MICU1: variants seen among roughly 807,000 people sequenced by gnomAD.
MICU1 encodes mitochondrial calcium uptake 1, also known as calcium uptake protein 1, mitochondrial.
In MICU1, 45 loss-of-function variants were observed where a neutral mutation model predicts 56.8. The ratio of observed to expected loss-of-function variants is 0.79; its 90% CI spans 0.62 to 1.02. The LOEUF is 1.02. Among genes scored for constraint, MICU1 ranks in the 50% least tolerant of loss-of-function variants. The probability of loss-of-function intolerance (pLI) is 0.00; values close to 1 mark genes in which losing one functional copy is unlikely to be tolerated. For missense variants in MICU1, 504 were observed against 587.1 expected (o/e 0.86, Z 1.46); for synonymous variants, 186 against 195.1 (o/e 0.95, Z 0.39).
intron 9 of MICU1, among the ~76,000 whole-genome samples, chr10:72,411,326 C>CT (rs1863804085): frequency 6.7e-6 from 1 of 150,064 alleles, no homozygotes. Context: ...AGCTCTTTTA[C>CT]TTTTCTTTTT....
intron 8 of MICU1, among the ~76,000 whole-genome samples, chr10:72,453,823 G>A (rs889681974): frequency 9.3e-5 from 14 of 150,890 alleles, no homozygotes; most frequent in African/African-American, 2.7e-4. Context: ...GAGCCACCGC[G>A]CCTGGCCTAC....
At chr10:72,388,068 C>G (rs1346816756) in intron 10 of MICU1, among the ~76,000 whole-genome samples, 1 of 152,144 alleles carries the variant, frequency 6.6e-6, no homozygotes, top group African/African-American at 2.4e-5. Flanking sequence ...GGTCACAAAA[C>G]TAGTGAATAG....
chr10:72,549,177 G>A (rs1839968617), intron 4 of MICU1, among the ~76,000 whole-genome samples: 1 of 148,558 alleles, frequency 6.7e-6, no homozygotes, highest in South Asian at 2.1e-4. Context: ...TGTTTCATGT[G>A]TCTGTTTTTT....
At chr10:72,460,839 G>A (rs1865618184) in intron 8 of MICU1, among the ~76,000 whole-genome samples, 1 of 151,646 alleles carries the variant, frequency 6.6e-6, no homozygotes, top group African/African-American at 2.4e-5. Context: ...TTAGTTAAAA[G>A]AAGAAAAAAA....
At chr10:72,432,361 C>T (rs1864568109) in intron 8 of MICU1, among the ~76,000 whole-genome samples, 1 of 152,080 alleles carries the variant, frequency 6.6e-6, no homozygotes, top group African/African-American at 2.4e-5. Context: ...AACTCCTGGC[C>T]TCAAGTGATC....
chr10:72,549,713 C>G lies in MICU1; in HGVS notation c.493+1466G>C, dbSNP rs190541646. Among the ~76,000 whole-genome samples the G allele has an allele frequency of 7.4e-3, 1,131 of 152,078 alleles. 13 individuals are homozygous for G. The highest frequency in any genetic ancestry group is 0.026 in the African/African-American group (1,065 of 41,492). ...TGGGAGGCTGAGGCAGGTGGATCAC[C>G]TGAGGTCAGGGGTGTGAGATCAGCC... On this transcript the variant is annotated intron_variant, in intron 4 of 11. Transcript: ENST00000361114.
At chr10:72,603,259 C>T (rs1033885612) in intron 1 of MICU1, among the ~76,000 whole-genome samples, 1 of 150,684 alleles carries the variant, frequency 6.6e-6, no homozygotes, top group Non-Finnish European at 1.5e-5. Flanking sequence ...TGGTGTTGCA[C>T]ACCTGTAATC....
At chr10:72,575,820 G>C (rs1218692790) in intron 1 of MICU1, among the ~76,000 whole-genome samples, 1 of 152,088 alleles carries the variant, frequency 6.6e-6, no homozygotes, top group Non-Finnish European at 1.5e-5. Flanking sequence ...CTGAGACACA[G>C]TAATATTAAA....
rs368734771 is a variant in MICU1, at chr10:72,372,370, G to A, written c.1270+3413C>T. 6.6e-5 allele frequency among the ~76,000 whole-genome samples: 10 copies of A among 152,228 alleles called. 1 individual carries two copies. The highest frequency in any genetic ancestry group is 2.2e-4 in the African/African-American group (9 of 41,542). On this transcript the variant is annotated intron_variant, in intron 11 of 11. Coordinates refer to ENST00000361114, the MANE Select transcript of MICU1 (RefSeq NM_001195518.2). ...TGACAGAGCGGGTGTGGTGGCTCAC[G>A]CCTATAACCCCACCATTTTGGGAGG...
intron 1 of MICU1, among the ~76,000 whole-genome samples, chr10:72,625,630 C>T (rs1842209293): frequency 6.6e-6 from 1 of 152,190 alleles, no homozygotes; most frequent in Non-Finnish European, 1.5e-5. Flanking sequence ...ACTCCCGCAC[C>T]CACTTCTAAC....
At chr10:72,581,801 TTTTTA>T (rs1340929878) in intron 1 of MICU1, among the ~76,000 whole-genome samples, 1 of 152,220 alleles carries the variant, frequency 6.6e-6, no homozygotes, top group Non-Finnish European at 1.5e-5. Context: ...CTGGTGCATC[TTTTTA>T]TTTTGTCTTA....
intron 1 of MICU1, among the ~76,000 whole-genome samples, chr10:72,589,576 T>C (rs1332137397): frequency 6.6e-6 from 1 of 151,590 alleles, no homozygotes; most frequent in Non-Finnish European, 1.5e-5. Flanking sequence ...AGAAAAATAC[T>C]GAAGGAAAAA....
chr10:72,602,246 T>C (rs1322114863), intron 1 of MICU1, among the ~76,000 whole-genome samples: 3 of 146,630 alleles, frequency 2.0e-5, no homozygotes, highest in Non-Finnish European at 4.5e-5. Context: ...AGGTCAGGAG[T>C]TCAAGACCAG....
intron 1 of MICU1, among the ~76,000 whole-genome samples, chr10:72,580,116 G>A (rs1406583448): frequency 6.6e-6 from 1 of 152,092 alleles, no homozygotes; most frequent in Admixed American, 6.6e-5. Context: ...GTTTATCACT[G>A]TTGTTGTGAG....
chr10:72,598,706 C>T (rs1010847247), intron 1 of MICU1, among the ~76,000 whole-genome samples: 2 of 151,714 alleles, frequency 1.3e-5, no homozygotes, highest in Non-Finnish European at 2.9e-5. Context: ...TGAAAAGGTC[C>T]GGATTATTTT....
Position 72,518,193 on chromosome 10 carries a change from C to G in MICU1, c.538-9924G>C, listed in dbSNP as rs542691777. ...GATTACAAGCATGTGCTACCACACC[C>G]AGCTAATTTTTGTATTTTTTTGTAG... is the stretch of plus-strand genomic sequence containing the variant. On this transcript the variant is annotated intron_variant, in intron 5 of 11. Coordinates refer to ENST00000361114, the MANE Select transcript of MICU1 (RefSeq NM_001195518.2). Among the ~76,000 whole-genome samples the G allele has an allele frequency of 2.0e-5, 3 of 151,952 alleles. No individual in the cohort carries two copies. In the South Asian group the frequency reaches 6.2e-4, roughly 32 times the overall value.
chr10:72,531,071 T>C (rs1042302914), intron 5 of MICU1, among the ~76,000 whole-genome samples: 9 of 152,168 alleles, frequency 5.9e-5, no homozygotes, highest in Admixed American at 4.6e-4. Flanking sequence ...TAGTGTTTGT[T>C]ACTGGTCAAA....
intron 10 of MICU1, among the ~76,000 whole-genome samples, chr10:72,385,504 A>C (rs554404014): frequency 1.3e-4 from 20 of 152,236 alleles, no homozygotes; most frequent in African/African-American, 3.4e-4. Context: ...AACCAACCAA[A>C]CAAACAAAAA....
At chr10:72,482,621 C>T (rs535732527) in intron 6 of MICU1, among the ~76,000 whole-genome samples, 4 of 152,030 alleles carry the variant, frequency 2.6e-5, no homozygotes, top group African/African-American at 9.6e-5. Context: ...CAAATCTACC[C>T]TGTGTAGCTC....
Sources: allele counts gnomAD v4.1 joint callset (sites outside exome capture counted in the v4.1 genomes callset), GRCh38; gene constraint gnomAD v4.1.1; transcripts MANE v1.5; gene names NCBI Gene and HGNC (gene_info 2026-07-23, HGNC 2026-07-21).